The following LRP1B variants were observed in gnomAD, a reference collection of about 807,000 sequenced individuals.
LRP1B encodes LDL receptor related protein 1B.
LRP1B carries 217 observed loss-of-function variants against 556.6 expected under a neutral mutation model. That is an observed-to-expected ratio of 0.39 (90% CI 0.35 to 0.44). LRP1B has a LOEUF of 0.44. Among genes scored for constraint, LRP1B ranks in the 20% least tolerant of loss-of-function variants. LRP1B has a pLI of 1.00. For missense variants in LRP1B, 5,053 were observed against 5,620.8 expected (o/e 0.90, Z 3.23); for synonymous variants, 2,047 against 1,865.8 (o/e 1.10, Z -2.50).
At chr2:140,302,606 T>G (rs1047137694) in intron 83 of LRP1B, among the ~76,000 whole-genome samples, 1 of 152,152 alleles carries the variant, frequency 6.6e-6, no homozygotes, top group Admixed American at 6.6e-5. Flanking sequence ...TGGAGGAGAT[T>G]GGCATTGGAA....
At chr2:140,901,958 C>A (rs1549709) in intron 23 of LRP1B, among the ~76,000 whole-genome samples, 2 of 151,758 alleles carry the variant, frequency 1.3e-5, no homozygotes, top group African/African-American at 4.8e-5. Context: ...GAATTAGTAG[C>A]GGGTTTCCAA....
chr2:141,095,949 C>T (rs1700287978), intron 7 of LRP1B, among the ~76,000 whole-genome samples: 1 of 152,120 alleles, frequency 6.6e-6, no homozygotes, highest in Admixed American at 6.6e-5. Context: ...GTATCTTTTA[C>T]ATTCCCCAAA....
chr2:140,435,679 A>G (rs979454472), intron 66 of LRP1B, among the ~76,000 whole-genome samples: 1 of 152,068 alleles, frequency 6.6e-6, no homozygotes, highest in African/African-American at 2.4e-5. Context: ...GAAAAAAAAA[A>G]AAAGAAAGAA....
intron 1 of LRP1B, among the ~76,000 whole-genome samples, chr2:141,821,340 C>A (rs189080818): frequency 6.6e-6 from 1 of 152,312 alleles, no homozygotes; most frequent in East Asian, 1.9e-4. Flanking sequence ...GAGTAAGAAA[C>A]AAGCATGTTG....
chr2:141,510,884 A>ACACC (rs1684103904), intron 2 of LRP1B, among the ~76,000 whole-genome samples: 1 of 11,276 alleles, frequency 8.9e-5, no homozygotes, highest in Non-Finnish European at 5.0e-4. Context: ...CTAAACACAC[A>ACACC]CACACACACA....
intron 7 of LRP1B, among the ~76,000 whole-genome samples, chr2:141,103,375 C>T (rs968092150): frequency 1.3e-5 from 2 of 152,110 alleles, no homozygotes; most frequent in African/African-American, 4.8e-5. Context: ...CGCAGTGTCA[C>T]TGCTTGGCTG....
Position 141,058,596 on chromosome 2 carries a change from G to T in LRP1B, c.1408+287C>A, listed in dbSNP as rs1460171614. 4.0e-5 allele frequency among the ~76,000 whole-genome samples: 6 copies of T among 151,780 alleles called. No homozygotes were observed. In the South Asian group the frequency reaches 1.2e-3, roughly 31 times the overall value. ...TTAAAAGGAAAAAATAATAACTTTAGCATCTGGGTTTCCTGTCTACATTCA... is the reference window on the plus strand; with the variant it reads ...TTAAAAGGAAAAAATAATAACTTTATCATCTGGGTTTCCTGTCTACATTCA... On this transcript the variant is annotated intron_variant, in intron 9 of 90. Coordinates refer to ENST00000389484, the MANE Select transcript of LRP1B (RefSeq NM_018557.3).
At chr2:142,047,984 C>T (rs576575246) in intron 1 of LRP1B, among the ~76,000 whole-genome samples, 1 of 152,118 alleles carries the variant, frequency 6.6e-6, no homozygotes, top group African/African-American at 2.4e-5. Flanking sequence ...AATCTAAGGC[C>T]TATGCATAAG....
At chr2:142,020,201 C>T (rs533412511) in intron 1 of LRP1B, among the ~76,000 whole-genome samples, 3 of 152,088 alleles carry the variant, frequency 2.0e-5, no homozygotes, top group East Asian at 1.9e-4. Context: ...AGGACCAAGT[C>T]GTTCATGAGT....
chr2:140,535,733 G>A (rs941556574), intron 46 of LRP1B, among the ~76,000 whole-genome samples: 11 of 152,076 alleles, frequency 7.2e-5, no homozygotes, highest in African/African-American at 2.4e-4. Flanking sequence ...ATCATGCAAA[G>A]ACATATTTCC....
intron 7 of LRP1B, among the ~76,000 whole-genome samples, chr2:141,103,225 A>G (rs1700510403): frequency 6.6e-6 from 1 of 152,134 alleles, no homozygotes; most frequent in Non-Finnish European, 1.5e-5. Context: ...ATTTCAAAAC[A>G]ACTTAGGATT....
chr2:141,750,281 A>T (rs1271499913), intron 2 of LRP1B, among the ~76,000 whole-genome samples: 1 of 152,136 alleles, frequency 6.6e-6, no homozygotes, highest in African/African-American at 2.4e-5. Context: ...GATACCCCAG[A>T]TCCACCTGTG....
At chr2:141,915,488 A>G (rs1251582955) in intron 1 of LRP1B, among the ~76,000 whole-genome samples, 1 of 152,202 alleles carries the variant, frequency 6.6e-6, no homozygotes, top group Non-Finnish European at 1.5e-5. Flanking sequence ...AAAGTAGAAG[A>G]AAACCTGGGA....
At chr2:141,507,693 G>T (rs757368955) in intron 2 of LRP1B, among the ~76,000 whole-genome samples, 4 of 151,332 alleles carry the variant, frequency 2.6e-5, no homozygotes, top group Admixed American at 6.6e-5. Flanking sequence ...AATGTTAGCT[G>T]TAGCTTTAAA....
rs754357317 is a variant in LRP1B at position 140,238,170 on chromosome 2, A to G, written c.13542T>C (p.Phe4514=). The change falls in exon 89 of 91, where the codon TTT becomes TTC. Residue 4514 remains phenylalanine, a synonymous_variant. Transcript: ENST00000389484. ...HNDGGLLDPG[F]MIDPTKARYI... ...ATACTACCTTTGTTGGGTCTATCAT[A>G]AAGCCAGGATCTAAAAGACCTCCAT... 1 of 1,603,828 alleles carries G rather than the reference A, an allele frequency of 6.2e-7. No homozygotes were observed. Among genetic ancestry groups the G allele is most frequent in the African/African-American group, 1.3e-5 (1 of 74,322 alleles).
At chr2:141,354,823 T>C (rs1019598359) in intron 3 of LRP1B, among the ~76,000 whole-genome samples, 3 of 152,020 alleles carry the variant, frequency 2.0e-5, no homozygotes, top group African/African-American at 4.8e-5. Flanking sequence ...AATCTATAAC[T>C]ATAGTCTTAA....
At chr2:140,756,722 G>T (rs12465494) in intron 35 of LRP1B, among the ~76,000 whole-genome samples, 2,149 of 152,166 alleles carry the variant, frequency 0.014, 72 homozygotes, top group Admixed American at 0.072. Context: ...CATTTAAAAA[G>T]AAACATGGAA....
intron 82 of LRP1B, among the ~76,000 whole-genome samples, chr2:140,320,310 C>CTTAAAGAATATAAAA (rs1448173220): frequency 1.1e-4 from 16 of 152,212 alleles, no homozygotes; most frequent in African/African-American, 3.9e-4. Context: ...ATATCAAATG[C>CTTAAAGAATATAAAA]TTAAAGAATA....
intron 3 of LRP1B, among the ~76,000 whole-genome samples, chr2:141,394,866 T>G (rs898783883): frequency 4.6e-5 from 7 of 152,136 alleles, no homozygotes; most frequent in African/African-American, 1.7e-4. Context: ...TAAAACTCTC[T>G]GTTTATGATA....
Sources: allele counts gnomAD v4.1 joint callset (sites outside exome capture counted in the v4.1 genomes callset), GRCh38; gene constraint gnomAD v4.1.1; transcripts MANE v1.5; gene names NCBI Gene and HGNC (gene_info 2026-07-23, HGNC 2026-07-21).